Variants in ZNF521 observed in about 807,000 individuals in gnomAD.
ZNF521 encodes zinc finger protein 521, also known as LYST-interacting protein 3.
ZNF521 carries 14 observed loss-of-function variants against 105.5 expected under a neutral mutation model. The ratio of observed to expected loss-of-function variants is 0.13; its 90% CI spans 0.09 to 0.21. The LOEUF (loss-of-function observed/expected upper bound fraction) is 0.21, where lower values mean the gene tolerates loss of function less well. ZNF521 is among the 10% of genes least tolerant of loss of function. The pLI is 1.00. For synonymous variants in ZNF521, 635 were observed against 606.0 expected, an observed-to-expected ratio of 1.05 and a Z score of -0.70; for missense variants, 1,233 against 1,629.7, an observed-to-expected ratio of 0.76 and a Z score of 4.19.
intron 3 of ZNF521, among the ~76,000 whole-genome samples, chr18:25,243,358 C>A (rs1024246472): frequency 6.6e-6 from 1 of 152,150 alleles, no homozygotes; most frequent in Non-Finnish European, 1.5e-5. Flanking sequence ...TAACTTCATT[C>A]CCTCAGGGTT....
chr18:25,243,129 T>C (rs989503498), intron 3 of ZNF521, among the ~76,000 whole-genome samples: 3 of 152,228 alleles, frequency 2.0e-5, no homozygotes, highest in Non-Finnish European at 2.9e-5. Context: ...TCTGATTAGA[T>C]AACCTCAATT....
rs539069053 is a variant in ZNF521, at chr18:25,140,602, T to C, written c.3659-48521A>G. On this transcript the variant is annotated intron_variant, in intron 5 of 7. Coordinates refer to ENST00000361524, the MANE Select transcript of ZNF521 (RefSeq NM_015461.3). ...CAGTTCAGTTAAATCATCTGGAAGA[T>C]GCATAAAACTGGGTGGGATAATAAT... Among the ~76,000 whole-genome samples the C allele has an allele frequency of 8.5e-5, 13 of 152,306 alleles. No individual in the cohort carries two copies. The East Asian group carries it at 1.9e-3, about 23-fold the overall frequency.
intron 4 of ZNF521, among the ~76,000 whole-genome samples, chr18:25,220,593 G>A (rs1259139065): frequency 6.6e-6 from 1 of 152,168 alleles, no homozygotes; most frequent in Admixed American, 6.5e-5. Flanking sequence ...GGCTGAGTCA[G>A]ATGGTCTACA....
chr18:25,241,864 T>C (rs1235685935), intron 3 of ZNF521, among the ~76,000 whole-genome samples: 2 of 152,178 alleles, frequency 1.3e-5, no homozygotes, highest in Admixed American at 6.5e-5. Context: ...CTTTTTATAC[T>C]TTTTTCTTAT....
chr18:25,223,446 C>A (rs1905869066), intron 4 of ZNF521, among the ~76,000 whole-genome samples: 1 of 151,972 alleles, frequency 6.6e-6, no homozygotes, highest in Non-Finnish European at 1.5e-5. Flanking sequence ...ATGCAGTAAC[C>A]CCAAACTGAA....
At chr18:25,298,480 A>T (rs1020789307) in intron 3 of ZNF521, among the ~76,000 whole-genome samples, 3 of 152,230 alleles carry the variant, frequency 2.0e-5, no homozygotes, top group Non-Finnish European at 4.4e-5. Context: ...ATGCAATTAC[A>T]CTATACATCC....
At chr18:25,151,814 T>C (rs767734193) in intron 5 of ZNF521, among the ~76,000 whole-genome samples, 1 of 152,150 alleles carries the variant, frequency 6.6e-6, no homozygotes, top group Admixed American at 6.5e-5. Flanking sequence ...CCCCCAAAAA[T>C]AAGCTAAGAC....
At chr18:25,326,222 T>C (rs1913210987) in intron 2 of ZNF521, among the ~76,000 whole-genome samples, 2 of 152,328 alleles carry the variant, frequency 1.3e-5, no homozygotes, top group Middle Eastern at 3.4e-3. Context: ...TCATCTTACA[T>C]ATTTCTCTCT....
At chr18:25,138,295 G>A (rs553808609) in intron 5 of ZNF521, among the ~76,000 whole-genome samples, 1 of 152,112 alleles carries the variant, frequency 6.6e-6, no homozygotes, top group South Asian at 2.1e-4. Context: ...AACTTGTGAA[G>A]GAAAACAAAT....
chr18:25,259,464 T>C (rs550145620), intron 3 of ZNF521, among the ~76,000 whole-genome samples: 1 of 152,258 alleles, frequency 6.6e-6, no homozygotes, highest in Admixed American at 6.5e-5. Flanking sequence ...GGGGCTAATA[T>C]CTAGCTGGGG....
chr18:25,122,905 T>C (rs898211605), intron 5 of ZNF521, among the ~76,000 whole-genome samples: 3 of 152,058 alleles, frequency 2.0e-5, no homozygotes, highest in South Asian at 4.1e-4. Context: ...CTTGGTCCAG[T>C]GTGGCAGTGG....
At chr18:25,116,329 T>C (rs1369883479) in intron 5 of ZNF521, among the ~76,000 whole-genome samples, 2 of 152,252 alleles carry the variant, frequency 1.3e-5, no homozygotes, top group South Asian at 4.1e-4. Context: ...TGGAAGGTGG[T>C]GGTTAGATTT....
At chr18:25,127,725 G>A (rs1389548253) in intron 5 of ZNF521, among the ~76,000 whole-genome samples, 1 of 151,966 alleles carries the variant, frequency 6.6e-6, no homozygotes, top group Non-Finnish European at 1.5e-5. Flanking sequence ...TGAAGAGCAT[G>A]CACGGACTGT....
intron 4 of ZNF521, among the ~76,000 whole-genome samples, chr18:25,205,834 C>G (rs754538946): frequency 2.0e-5 from 3 of 152,086 alleles, no homozygotes; most frequent in Non-Finnish European, 4.4e-5. Flanking sequence ...AAAGTCATCA[C>G]AAATTTCAAA....
intron 5 of ZNF521, among the ~76,000 whole-genome samples, chr18:25,145,887 C>A (rs1340709724): frequency 1.3e-5 from 2 of 152,090 alleles, no homozygotes; most frequent in Admixed American, 6.6e-5. Flanking sequence ...CGCTATAGTT[C>A]CTAGTGCTTA....
At chr18:25,274,035 G>A (rs1441300236) in intron 3 of ZNF521, among the ~76,000 whole-genome samples, 2 of 152,186 alleles carry the variant, frequency 1.3e-5, no homozygotes, top group African/African-American at 4.8e-5. Flanking sequence ...GCTGGTGGAA[G>A]ATTAAAAGGT....
chr18:25,104,528 C>T (rs887923135), intron 5 of ZNF521, among the ~76,000 whole-genome samples: 1 of 152,168 alleles, frequency 6.6e-6, no homozygotes, highest in African/African-American at 2.4e-5. Context: ...TCATAAAAGT[C>T]CAGGACAGAA....
At chr18:25,243,286 C>T (rs1907475614) in intron 3 of ZNF521, among the ~76,000 whole-genome samples, 2 of 152,170 alleles carry the variant, frequency 1.3e-5, no homozygotes, top group South Asian at 4.1e-4. Flanking sequence ...TAAATGGTAT[C>T]ATGCCTCAAT....
chr18:25,274,539 AGATTAT>A (rs780416383), intron 3 of ZNF521, among the ~76,000 whole-genome samples: 5 of 152,218 alleles, frequency 3.3e-5, no homozygotes, highest in Non-Finnish European at 7.3e-5. Context: ...ATATTTCCAA[AGATTAT>A]GTATTACAGA....
Sources: allele counts gnomAD v4.1 joint callset (sites outside exome capture counted in the v4.1 genomes callset), GRCh38; gene constraint gnomAD v4.1.1; transcripts MANE v1.5; gene names NCBI Gene and HGNC (gene_info 2026-07-23, HGNC 2026-07-21).